PRIM2: variants seen among roughly 807,000 people sequenced by gnomAD.
PRIM2 encodes the protein DNA primase large subunit.
Under a neutral mutation model 67.3 loss-of-function variants are expected in PRIM2, and 39 were observed. The ratio of observed to expected loss-of-function variants is 0.58; its 90% CI spans 0.45 to 0.76. PRIM2 has a LOEUF of 0.76. PRIM2 is among the 30% of genes least tolerant of loss of function. PRIM2 has a pLI of 0.00. For synonymous variants in PRIM2, 143 were observed against 198.7 expected (o/e 0.72, Z 2.36); for missense variants, 398 against 598.7 (o/e 0.66, Z 3.50).
intron 7 of PRIM2, among the ~76,000 whole-genome samples, chr6:57,452,861 T>TGA (rs1772605570): frequency 6.6e-6 from 1 of 152,142 alleles, no homozygotes; most frequent in South Asian, 2.1e-4. Flanking sequence ...GTCCTTGCCC[T>TGA]TACCTATGTC....
intron 12 of PRIM2, among the ~76,000 whole-genome samples, chr6:57,611,368 CA>C (rs1776663321): frequency 6.6e-6 from 1 of 152,102 alleles, no homozygotes; most frequent in Admixed American, 6.5e-5. Flanking sequence ...TTCCTGATTT[CA>C]AAACTTACTG....
chr6:57,292,316 A>G, the PRIM2 span, among the ~76,000 whole-genome samples: 4 of 152,206 alleles, frequency 2.6e-5, no homozygotes, highest in Admixed American at 6.5e-5. Context: ...TTCAAGGACA[A>G]CTACAAACCA....
At chr6:57,550,863 C>T (rs1260931732) in intron 10 of PRIM2, among the ~76,000 whole-genome samples, 9 of 151,952 alleles carry the variant, frequency 5.9e-5, no homozygotes, top group Non-Finnish European at 1.3e-4. Flanking sequence ...AAATTGGGTA[C>T]GTATAAGCTC....
At chr6:57,578,334 A>G (rs1168310955) in intron 10 of PRIM2, among the ~76,000 whole-genome samples, 8 of 152,134 alleles carry the variant, frequency 5.3e-5, no homozygotes, top group Non-Finnish European at 1.0e-4. Flanking sequence ...TAGACTATGT[A>G]AATATCCTGT....
the PRIM2 span, among the ~76,000 whole-genome samples, chr6:57,256,307 C>T: frequency 0.046 from 6,967 of 152,170 alleles, 560 homozygotes; most frequent in African/African-American, 0.16. Context: ...CTTATTTACC[C>T]CTCACCATCA....
At chr6:57,537,670 T>G in intron 10 of PRIM2, 45 bp downstream of exon 10, 12 of 1,246,322 alleles carry the variant, frequency 9.6e-6, no homozygotes, top group Non-Finnish European at 1.3e-5. Flanking sequence ...ATATTTTAAT[T>G]TGGTCTGAAA....
chr6:57,537,006 T>A (rs1390959056), intron 9 of PRIM2, among the ~76,000 whole-genome samples: 1 of 152,192 alleles, frequency 6.6e-6, no homozygotes, highest in African/African-American at 2.4e-5. Flanking sequence ...GAAACCTGAA[T>A]AAGACTAGTG....
intron 12 of PRIM2, among the ~76,000 whole-genome samples, chr6:57,617,343 C>G (rs1398739422): frequency 6.6e-6 from 1 of 152,132 alleles, no homozygotes; most frequent in Non-Finnish European, 1.5e-5. Context: ...ATTTTGATTA[C>G]CTCTGTAAAT....
At chr6:57,630,372 G>A (rs1180671410) in intron 12 of PRIM2, among the ~76,000 whole-genome samples, 2 of 152,092 alleles carry the variant, frequency 1.3e-5, no homozygotes, top group African/African-American at 4.8e-5. Context: ...AGATTGTAGT[G>A]TGATTAATTT....
intron 10 of PRIM2, among the ~76,000 whole-genome samples, chr6:57,597,869 C>T (rs1471126240): frequency 6.6e-6 from 1 of 152,052 alleles, no homozygotes; most frequent in Non-Finnish European, 1.5e-5. Context: ...CAGTTCATTG[C>T]CAATATGTAT....
the PRIM2 span, among the ~76,000 whole-genome samples, chr6:57,302,011 C>T: frequency 6.6e-6 from 1 of 152,158 alleles, no homozygotes; most frequent in Non-Finnish European, 1.5e-5. Context: ...TATTTACTGG[C>T]TGGGAGGCCA....
At chr6:57,253,232 G>C in the PRIM2 span, among the ~76,000 whole-genome samples, 1 of 152,092 alleles carries the variant, frequency 6.6e-6, no homozygotes, top group Non-Finnish European at 1.5e-5. Flanking sequence ...CAAAGAAACC[G>C]GTGTAATTAG....
the PRIM2 span, among the ~76,000 whole-genome samples, chr6:57,281,340 T>A: frequency 6.6e-6 from 1 of 152,196 alleles, no homozygotes; most frequent in Non-Finnish European, 1.5e-5. Flanking sequence ...TGGATCACGT[T>A]CTGTTTTCAG....
chr6:57,463,726 C>T (rs1773089014), intron 7 of PRIM2, among the ~76,000 whole-genome samples: 1 of 152,118 alleles, frequency 6.6e-6, no homozygotes, highest in Non-Finnish European at 1.5e-5. Context: ...CAGGCATTAA[C>T]AGCATCTCAA....
chr6:57,442,358 A>G (rs893672090), intron 7 of PRIM2, among the ~76,000 whole-genome samples: 2 of 152,090 alleles, frequency 1.3e-5, no homozygotes, highest in Non-Finnish European at 2.9e-5. Context: ...GACACAGCTC[A>G]TGGCACAGGG....
intron 10 of PRIM2, among the ~76,000 whole-genome samples, chr6:57,578,742 T>G (rs1276803899): frequency 6.7e-6 from 1 of 148,866 alleles, no homozygotes; most frequent in African/African-American, 2.5e-5. Context: ...AGTGGCGCGA[T>G]CTCGGCTCAC....
chr6:57,274,515 G>T, the PRIM2 span, among the ~76,000 whole-genome samples: 6 of 152,218 alleles, frequency 3.9e-5, no homozygotes, highest in African/African-American at 1.4e-4. Flanking sequence ...GATTTTCCAG[G>T]TGCTGTCTGT....
intron 7 of PRIM2, among the ~76,000 whole-genome samples, chr6:57,433,321 G>A (rs879320463): frequency 1.7e-4 from 26 of 151,794 alleles, no homozygotes; most frequent in Non-Finnish European, 3.2e-4. Context: ...CATGTGCCAT[G>A]CTGGTGTGCT....
chr6:57,295,720 A>G, the PRIM2 span, among the ~76,000 whole-genome samples: 1 of 152,322 alleles, frequency 6.6e-6, no homozygotes, highest in Admixed American at 6.5e-5. Flanking sequence ...CAATTGCCTG[A>G]TGCTTATCTC....
Sources: gnomAD v4.1 joint callset for allele counts (sites outside exome capture counted in the v4.1 genomes callset) on GRCh38, gnomAD v4.1.1 for gene constraint, MANE v1.5 for transcripts, NCBI Gene and HGNC (gene_info 2026-07-23, HGNC 2026-07-21) for gene names.